MARCHF1: variants seen among roughly 807,000 people sequenced by gnomAD.
MARCHF1 encodes membrane associated ring-CH-type finger 1, also known as E3 ubiquitin-protein ligase MARCHF1.
MARCHF1 carries 40 observed loss-of-function variants against 54.2 expected under a neutral mutation model. That is an observed-to-expected ratio of 0.74 (90% confidence interval 0.57 to 0.96). The LOEUF (loss-of-function observed/expected upper bound fraction) is 0.96, where lower values mean the gene tolerates loss of function less well. Ranked by LOEUF, MARCHF1 falls within the 40% of genes least tolerant of loss-of-function variation. MARCHF1 has a pLI of 0.00. For synonymous variants in MARCHF1, 236 were observed against 236.3 expected (o/e 1.00, Z 0.01); for missense variants, 586 against 656.5 (o/e 0.89, Z 1.17).
At chr4:164,140,967 A>G (rs768789670) in intron 1 of MARCHF1, among the ~76,000 whole-genome samples, 6 of 152,222 alleles carry the variant, frequency 3.9e-5, no homozygotes, top group Non-Finnish European at 7.3e-5. Flanking sequence ...ATAAGACTGG[A>G]AACCTATTTG....
At chr4:163,910,547 T>A (rs1019169681) in intron 3 of MARCHF1, among the ~76,000 whole-genome samples, 1 of 152,162 alleles carries the variant, frequency 6.6e-6, no homozygotes, top group African/African-American at 2.4e-5. Flanking sequence ...CAGGCAGAAG[T>A]GCAATGGCGC....
chr4:164,325,356 T>TATATATA (rs1561003093), intron 1 of MARCHF1, among the ~76,000 whole-genome samples: 3 of 149,342 alleles, frequency 2.0e-5, no homozygotes, highest in Non-Finnish European at 3.0e-5. Context: ...TATATATATA[T>TATATATA]TTGCACAGAC....
At chr4:163,929,491 T>C (rs537581640) in intron 3 of MARCHF1, among the ~76,000 whole-genome samples, 1 of 152,130 alleles carries the variant, frequency 6.6e-6, no homozygotes, top group Admixed American at 6.6e-5. Context: ...CAGATTGACT[T>C]AACAATTTTT....
intron 4 of MARCHF1, among the ~76,000 whole-genome samples, chr4:163,720,853 G>A (rs1034321269): frequency 6.6e-6 from 1 of 152,190 alleles, no homozygotes; most frequent in Non-Finnish European, 1.5e-5. Flanking sequence ...GTATAAGAAT[G>A]CTTGTGATTT....
intron 3 of MARCHF1, among the ~76,000 whole-genome samples, chr4:163,918,779 C>T (rs751892852): frequency 1.3e-5 from 2 of 151,740 alleles, no homozygotes; most frequent in Non-Finnish European, 2.9e-5. Context: ...TAGAAATCAG[C>T]AGTTAGGAGC....
intron 1 of MARCHF1, among the ~76,000 whole-genome samples, chr4:164,239,724 T>G (rs1732671294): frequency 6.6e-6 from 1 of 152,184 alleles, no homozygotes; most frequent in South Asian, 2.1e-4. Context: ...AGCATTAATG[T>G]TAAACTTGAT....
At chr4:164,361,373 C>T (rs1052209495) in intron 1 of MARCHF1, among the ~76,000 whole-genome samples, 4 of 152,092 alleles carry the variant, frequency 2.6e-5, no homozygotes, top group African/African-American at 9.7e-5. Flanking sequence ...CAACTGCAAC[C>T]GTTGTCACAC....
intron 4 of MARCHF1, among the ~76,000 whole-genome samples, chr4:163,829,781 C>T (rs186984255): frequency 6.6e-6 from 1 of 152,282 alleles, no homozygotes; most frequent in East Asian, 1.9e-4. Flanking sequence ...CAGTTCTGTA[C>T]TGAAGGGAAT....
chr4:163,726,609 A>T (rs1259561661), intron 4 of MARCHF1, among the ~76,000 whole-genome samples: 2 of 152,214 alleles, frequency 1.3e-5, no homozygotes. Context: ...TTTTCAACTC[A>T]TTTGGGTGAA....
chr4:164,062,319 T>C (rs950004325), intron 2 of MARCHF1, among the ~76,000 whole-genome samples: 1 of 152,104 alleles, frequency 6.6e-6, no homozygotes, highest in African/African-American at 2.4e-5. Flanking sequence ...TTCCTCATGG[T>C]AATCCATGAG....
intron 1 of MARCHF1, among the ~76,000 whole-genome samples, chr4:164,317,408 A>C (rs1449323437): frequency 1.3e-5 from 2 of 152,176 alleles, no homozygotes; most frequent in African/African-American, 4.8e-5. Flanking sequence ...GGTTCTGTGC[A>C]GCTCACCTCA....
At chr4:164,251,365 A>G (rs17044797) in intron 1 of MARCHF1, among the ~76,000 whole-genome samples, 56 of 152,138 alleles carry the variant, frequency 3.7e-4, no homozygotes, top group African/African-American at 1.3e-3. Context: ...GATACAGTGT[A>G]AGCCATGAGG....
At chr4:164,110,387 A>G (rs552155445) in intron 2 of MARCHF1, among the ~76,000 whole-genome samples, 1 of 151,770 alleles carries the variant, frequency 6.6e-6, no homozygotes, top group Non-Finnish European at 1.5e-5. Flanking sequence ...TTGTCTTTCT[A>G]AAGTTTCCCC....
chr4:163,989,480 A>G (rs1752933549), intron 2 of MARCHF1, among the ~76,000 whole-genome samples: 1 of 152,102 alleles, frequency 6.6e-6, no homozygotes, highest in Non-Finnish European at 1.5e-5. Flanking sequence ...GCTTTATTGC[A>G]ACTTCTGTGC....
chr4:164,004,598 TA>T (rs765138980), intron 2 of MARCHF1, among the ~76,000 whole-genome samples: 3 of 151,894 alleles, frequency 2.0e-5, no homozygotes, highest in African/African-American at 4.8e-5. Flanking sequence ...CTTGGGCAAT[TA>T]AAAAAACTCA....
At chr4:164,258,487 C>T (rs1359989674) in intron 1 of MARCHF1, among the ~76,000 whole-genome samples, 1 of 151,478 alleles carries the variant, frequency 6.6e-6, no homozygotes, top group Non-Finnish European at 1.5e-5. Context: ...GGTGTGGCAC[C>T]CTCTTCCTAA....
chr4:163,712,404 A>C (rs1309717800), intron 4 of MARCHF1, among the ~76,000 whole-genome samples: 1 of 152,192 alleles, frequency 6.6e-6, no homozygotes, highest in African/African-American at 2.4e-5. Context: ...TGGAGGCATA[A>C]AATTTAAAAA....
intron 4 of MARCHF1, among the ~76,000 whole-genome samples, chr4:163,809,294 T>C (rs1306266837): frequency 2.0e-5 from 3 of 152,202 alleles, no homozygotes; most frequent in African/African-American, 4.8e-5. Context: ...AAAAACCTTT[T>C]ACCAGAATTT....
chr4:163,828,426 T>C (rs1579319330), intron 4 of MARCHF1, among the ~76,000 whole-genome samples: 2 of 152,274 alleles, frequency 1.3e-5, no homozygotes, highest in Non-Finnish European at 2.9e-5. Flanking sequence ...TTATCTTTCT[T>C]ATATGCACAA....
Sources: gnomAD v4.1 joint callset for allele counts (sites outside exome capture counted in the v4.1 genomes callset) on GRCh38, gnomAD v4.1.1 for gene constraint, MANE v1.5 for transcripts, NCBI Gene and HGNC (gene_info 2026-07-23, HGNC 2026-07-21) for gene names.